Variants in SLC35F3 observed in about 807,000 individuals in gnomAD.
SLC35F3 encodes the protein putative thiamine transporter SLC35F3.
A neutral mutation model predicts 49.9 loss-of-function variants in SLC35F3; 25 were observed. The ratio of observed to expected loss-of-function variants is 0.50; its 90% CI spans 0.37 to 0.70. The LOEUF (loss-of-function observed/expected upper bound fraction) is 0.70, where lower values mean the gene tolerates loss of function less well. Among genes scored for constraint, SLC35F3 ranks in the 30% least tolerant of loss-of-function variants. SLC35F3 has a pLI of 0.00. For missense variants in SLC35F3, 525 were observed against 639.8 expected (o/e 0.82, Z 1.94); for synonymous variants, 275 against 265.4 (o/e 1.04, Z -0.35).
intron 4 of SLC35F3, among the ~76,000 whole-genome samples, chr1:234,312,127 A>G: frequency 6.6e-6 from 1 of 152,310 alleles, no homozygotes; most frequent in Middle Eastern, 3.4e-3. Flanking sequence ...CAAAAGCAAG[A>G]GTAGGATGAG....
chr1:234,234,140 T>C (rs1266452929), intron 3 of SLC35F3, among the ~76,000 whole-genome samples: 1 of 152,214 alleles, frequency 6.6e-6, no homozygotes, highest in Non-Finnish European at 1.5e-5. Context: ...CTTCATGCTT[T>C]ATCAAAATTA....
At chr1:234,003,458 G>T (rs1401799523) in intron 2 of SLC35F3, among the ~76,000 whole-genome samples, 2 of 152,064 alleles carry the variant, frequency 1.3e-5, no homozygotes, top group African/African-American at 4.8e-5. Flanking sequence ...TGCCCCATGG[G>T]TGAGCCATAC....
At chr1:234,054,065 C>T (rs1165366548) in intron 2 of SLC35F3, among the ~76,000 whole-genome samples, 2 of 152,164 alleles carry the variant, frequency 1.3e-5, no homozygotes, top group Non-Finnish European at 1.5e-5. Context: ...CTCTCTGGCA[C>T]CCTTAACATT....
At chr1:234,122,461 TA>T (rs960837386) in intron 2 of SLC35F3, among the ~76,000 whole-genome samples, 1 of 152,258 alleles carries the variant, frequency 6.6e-6, no homozygotes, top group Non-Finnish European at 1.5e-5. Flanking sequence ...GGCATTTTTT[TA>T]AAATTTTACT....
At chr1:234,028,843 A>G (rs2102847009) in intron 2 of SLC35F3, among the ~76,000 whole-genome samples, 1 of 152,258 alleles carries the variant, frequency 6.6e-6, no homozygotes, top group South Asian at 2.1e-4. Context: ...AGAGGTGGGC[A>G]GGCTAGAATC....
At chr1:234,016,394 A>T (rs1572020550) in intron 2 of SLC35F3, among the ~76,000 whole-genome samples, 1 of 152,368 alleles carries the variant, frequency 6.6e-6, no homozygotes, top group East Asian at 1.9e-4. Flanking sequence ...CAACCTAAGG[A>T]TCCATCAATG....
At chr1:234,286,416 G>A (rs148362711) in intron 3 of SLC35F3, among the ~76,000 whole-genome samples, 31 of 152,348 alleles carry the variant, frequency 2.0e-4, no homozygotes, top group African/African-American at 6.5e-4. Context: ...CGGGCAGCCC[G>A]AATGCCACAG....
chr1:233,907,785 G>A (rs763983141), intron 2 of SLC35F3, among the ~76,000 whole-genome samples: 3 of 152,092 alleles, frequency 2.0e-5, no homozygotes, highest in Non-Finnish European at 2.9e-5. Flanking sequence ...GAGTGCAGTG[G>A]CATGATCTTG....
chr1:234,099,618 A>AC (rs1353318964), intron 2 of SLC35F3, among the ~76,000 whole-genome samples: 2 of 150,364 alleles, frequency 1.3e-5, no homozygotes, highest in African/African-American at 2.5e-5. Context: ...AAAAAAAAAA[A>AC]AAAAAAAAAC....
intron 2 of SLC35F3, among the ~76,000 whole-genome samples, chr1:234,033,293 C>T (rs554110591): frequency 7.2e-5 from 11 of 152,164 alleles, no homozygotes; most frequent in Non-Finnish European, 1.3e-4. Context: ...AGATTTTCTC[C>T]CACTCTGTGG....
At chr1:234,069,687 C>A (rs896634862) in intron 2 of SLC35F3, among the ~76,000 whole-genome samples, 2 of 152,202 alleles carry the variant, frequency 1.3e-5, no homozygotes, top group East Asian at 3.8e-4. Context: ...CCCCCAGGGT[C>A]CTCAGAACAG....
intron 2 of SLC35F3, among the ~76,000 whole-genome samples, chr1:233,936,990 C>T (rs1662344789): frequency 6.6e-6 from 1 of 152,192 alleles, no homozygotes; most frequent in Non-Finnish European, 1.5e-5. Context: ...TGCATCTGGC[C>T]ACCTCTGTCT....
intron 2 of SLC35F3, among the ~76,000 whole-genome samples, chr1:234,142,598 A>G (rs1428053240): frequency 6.6e-6 from 1 of 152,158 alleles, no homozygotes; most frequent in Non-Finnish European, 1.5e-5. Flanking sequence ...TTGGTGAAAA[A>G]CAGTTTGGTA....
chr1:234,148,815 G>A (rs1262194576), intron 2 of SLC35F3, among the ~76,000 whole-genome samples: 1 of 152,090 alleles, frequency 6.6e-6, no homozygotes, highest in Non-Finnish European at 1.5e-5. Flanking sequence ...AGATAGATAT[G>A]ACAGAATGTA....
chr1:233,923,005 A>G (rs537831573), intron 2 of SLC35F3, among the ~76,000 whole-genome samples: 3 of 152,190 alleles, frequency 2.0e-5, no homozygotes, highest in Non-Finnish European at 4.4e-5. Context: ...CCATTGGTCT[A>G]TATCCGCGTT....
At chr1:234,028,576 A>G (rs1323247349) in intron 2 of SLC35F3, among the ~76,000 whole-genome samples, 2 of 152,226 alleles carry the variant, frequency 1.3e-5, no homozygotes, top group Non-Finnish European at 2.9e-5. Flanking sequence ...CTCCCTGTCC[A>G]TACCATCACC....
At chr1:234,007,412 C>T (rs1336277122) in intron 2 of SLC35F3, among the ~76,000 whole-genome samples, 3 of 152,124 alleles carry the variant, frequency 2.0e-5, no homozygotes, top group Non-Finnish European at 4.4e-5. Flanking sequence ...CCAAGTTCCT[C>T]CTGCGGAGAA....
At chr1:233,977,469 GGTATCATCTGATAGA>G (rs1391274341) in intron 2 of SLC35F3, among the ~76,000 whole-genome samples, 1 of 152,154 alleles carries the variant, frequency 6.6e-6, no homozygotes, top group Admixed American at 6.5e-5. Context: ...ACCTGGTTCT[GGTATCATCTGATAGA>G]GTTAGGGGAC....
intron 2 of SLC35F3, among the ~76,000 whole-genome samples, chr1:234,035,463 AT>A (rs1664128670): frequency 6.6e-6 from 1 of 152,064 alleles, no homozygotes; most frequent in South Asian, 2.1e-4. Flanking sequence ...ACGTGGGTTT[AT>A]TTTCATCTAT....
Sources: allele counts gnomAD v4.1 joint callset (sites outside exome capture counted in the v4.1 genomes callset), GRCh38; gene constraint gnomAD v4.1.1; transcripts MANE v1.5; gene names NCBI Gene and HGNC (gene_info 2026-07-23, HGNC 2026-07-21).